DHTKD1: variants seen among roughly 807,000 people sequenced by gnomAD.
DHTKD1 encodes the protein dehydrogenase E1 and transketolase domain containing 1.
A neutral mutation model predicts 101.8 loss-of-function variants in DHTKD1; 78 were observed. The ratio of observed to expected loss-of-function variants is 0.77; its 90% confidence interval spans 0.64 to 0.93. The LOEUF is 0.93. Ranked by LOEUF, DHTKD1 falls within the 40% of genes least tolerant of loss-of-function variation. The pLI, the probability that DHTKD1 is intolerant of heterozygous loss-of-function variation, is 0.00. For synonymous variants in DHTKD1, 462 were observed against 450.3 expected, an observed-to-expected ratio of 1.03 and a Z score of -0.33; for missense variants, 1,223 against 1,161.7, an observed-to-expected ratio of 1.05 and a Z score of -0.77.
chr10:12,080,596 A>G (rs1344744056), intron 1 of DHTKD1, among the ~76,000 whole-genome samples: 2 of 151,792 alleles, frequency 1.3e-5, no homozygotes, highest in Non-Finnish European at 1.5e-5. Flanking sequence ...CTGTAGTCCC[A>G]GTTACTCGGG....
At chr10:12,089,588 C>T (rs376040432) in intron 5 of DHTKD1, among the ~76,000 whole-genome samples, 13 of 151,356 alleles carry the variant, frequency 8.6e-5, no homozygotes, top group East Asian at 5.8e-4. Context: ...GGTTCCCATA[C>T]ATATAACAAG....
At chr10:12,106,604 C>G (rs555516118) in intron 11 of DHTKD1, among the ~76,000 whole-genome samples, 22 of 152,180 alleles carry the variant, frequency 1.4e-4, no homozygotes, top group Admixed American at 3.3e-4. Flanking sequence ...AGCTCTCTCT[C>G]AGCAGGAGCA....
intron 15 of DHTKD1, among the ~76,000 whole-genome samples, chr10:12,119,544 A>G (rs974323369): frequency 1.4e-4 from 19 of 140,118 alleles, no homozygotes; most frequent in South Asian, 2.3e-4. Context: ...TGAACCCGGG[A>G]GGCGGAGCTT....
chr10:12,095,880 G>A (rs1833065133), intron 7 of DHTKD1, among the ~76,000 whole-genome samples: 3 of 151,096 alleles, frequency 2.0e-5, no homozygotes, highest in Non-Finnish European at 4.4e-5. Flanking sequence ...GTTGTGGCGC[G>A]TGCCTGTAGT....
At chr10:12,095,190 C>A (rs1282899298) in intron 7 of DHTKD1, among the ~76,000 whole-genome samples, 1 of 152,082 alleles carries the variant, frequency 6.6e-6, no homozygotes, top group Admixed American at 6.6e-5. Flanking sequence ...CCATGCTGTC[C>A]AAGATGGAAG....
At position 12,081,531 on chromosome 10, in the gene DHTKD1, A is replaced by T; in HGVS notation, c.214A>T (p.Lys72Ter). 6.2e-7 allele frequency: 1 copy of T among 1,614,130 alleles called. No individual in the cohort carries two copies. ...VYCEHGHKAA[K>*]INPLFTGQAL... The stretch of plus-strand genomic sequence containing the variant: ...TTGTGAGCATGGTCATAAAGCTGCC[A>T]AAATCAACCCCCTCTTCACCGGACA... The change falls in exon 2 of 17, where the codon AAA (lysine) becomes TAA (stop). Residue 72 changes from lysine to a stop codon, truncating the protein, a stop_gained. Coordinates refer to ENST00000263035, the MANE Select transcript of DHTKD1 (RefSeq NM_018706.7). LOFTEE classifies it high-confidence loss of function.
chr10:12,069,231 A>G (rs1320106505), intron 1 of DHTKD1, 44 bp downstream of exon 1: 1 of 1,424,200 alleles, frequency 7.0e-7, no homozygotes, highest in South Asian at 1.3e-5. Flanking sequence ...GCTGGGACGC[A>G]GAAGCCTCCC....
intron 13 of DHTKD1, among the ~76,000 whole-genome samples, chr10:12,116,560 T>C (rs1833421100): frequency 6.6e-6 from 1 of 151,788 alleles, no homozygotes; most frequent in African/African-American, 2.4e-5. Context: ...CCAGCTAACT[T>C]TTATAATTTT....
intron 2 of DHTKD1, among the ~76,000 whole-genome samples, chr10:12,082,060 A>C (rs1320572571): frequency 6.6e-6 from 1 of 151,840 alleles, no homozygotes; most frequent in Admixed American, 6.6e-5. Flanking sequence ...CTGGGAGGTC[A>C]AGGCTGCAGT....
intron 14 of DHTKD1, 147 bp downstream of exon 14, chr10:12,117,902 A>C: frequency 4.5e-6 from 1 of 223,404 alleles, no homozygotes; most frequent in Admixed American, 5.9e-5. Flanking sequence ...TTATTTATTT[A>C]TTTTTGAGAC....
chr10:12,097,866 AG>A lies in DHTKD1; in HGVS notation c.1542del (p.Gln514HisfsTer23). ...CAGGCCCACTGGCAGGGCCTGGCTC[AG>A]CCAGAAGCGCAAATCACCACCTGGA... ...NLQAHWQGLA[Q>X]PEAQITTWST... On this transcript the variant is annotated frameshift_variant, in exon 8 of 17. Coordinates refer to ENST00000263035, the MANE Select transcript of DHTKD1 (RefSeq NM_018706.7). LOFTEE classifies it high-confidence loss of function. 1.2e-6 allele frequency: 2 copies of A among 1,614,214 alleles called. No homozygotes were observed. The highest frequency in any genetic ancestry group is 1.7e-6 in the Non-Finnish European group (2 of 1,180,028).
chr10:12,084,078 A>G lies in DHTKD1; in HGVS notation c.311-462A>G, dbSNP rs568240232. Among the ~76,000 whole-genome samples the G allele has an allele frequency of 6.4e-4, 97 of 152,068 alleles. 1 individual carries two copies. The East Asian group carries it at 0.013, about 21-fold the overall frequency. On this transcript the variant is annotated intron_variant, in intron 2 of 16. Coordinates refer to ENST00000263035, the MANE Select transcript of DHTKD1 (RefSeq NM_018706.7). ...GCTGGGACTACAGGCGCACGCTACC[A>G]TGCCCGGCTAATTTTTGTAATTTTA...
Position 12,094,088 on chromosome 10 carries a change from G to T in DHTKD1, c.1175G>T (p.Cys392Phe). 6.2e-7 allele frequency: 1 copy of T among 1,614,008 alleles called. No homozygotes were observed. Among genetic ancestry groups the T allele is most frequent in the Non-Finnish European group, 8.5e-7 (1 of 1,179,956 alleles). ...YCSDIGKLVG[C>F]AIIHVNGDSP... Reference sequence around the variant, plus strand: ...TGTCCTTCAGGGAAGCTTGTGGGCTGTGCCATCATCCATGTCAATGGAGAC... The same window carrying T: ...TGTCCTTCAGGGAAGCTTGTGGGCTTTGCCATCATCCATGTCAATGGAGAC... The change falls in exon 7 of 17, where the codon TGT becomes TTT. Residue 392 changes from cysteine to phenylalanine, a missense_variant. Physicochemically the swap from Cys to Phe is radical, Grantham distance 205 (BLOSUM62 -2). Transcript: ENST00000263035.
chr10:12,090,508 G>T (rs1206064080), intron 5 of DHTKD1, among the ~76,000 whole-genome samples: 1 of 140,872 alleles, frequency 7.1e-6, no homozygotes, highest in Non-Finnish European at 1.5e-5. Context: ...TTCAAGATGG[G>T]TTCTCAATCT....
At chr10:12,084,912 A>G (rs1832875639) in intron 3 of DHTKD1, among the ~76,000 whole-genome samples, 161 bp downstream of exon 3, 1 of 152,076 alleles carries the variant, frequency 6.6e-6, no homozygotes, top group African/African-American at 2.4e-5. Context: ...TTAGCCAGGC[A>G]TGCTGGTGCA....
intron 1 of DHTKD1, among the ~76,000 whole-genome samples, chr10:12,076,286 G>A (rs1832729321): frequency 6.6e-6 from 1 of 152,228 alleles, no homozygotes; most frequent in South Asian, 2.1e-4. Context: ...GACTATCCTG[G>A]CTAACACGGT....
At position 12,114,652 on chromosome 10, in the gene DHTKD1, G is replaced by A. The variant is rs967770021; in HGVS notation, c.2319+1588G>A. On this transcript the variant is annotated intron_variant, in intron 13 of 16. Coordinates refer to ENST00000263035, the MANE Select transcript of DHTKD1 (RefSeq NM_018706.7). ...TATGACTGCTGAGGTGAAATAAGAC[G>A]TTTAGAATTTGGCCATTCAAGAATA... Among the ~76,000 whole-genome samples, 10 of 152,076 alleles carry A rather than the reference G, an allele frequency of 6.6e-5. No individual in the cohort carries two copies. The East Asian group carries it at 1.5e-3, about 23-fold the overall frequency.
intron 12 of DHTKD1, among the ~76,000 whole-genome samples, chr10:12,109,042 C>T (rs1470967657): frequency 6.6e-6 from 1 of 152,016 alleles, no homozygotes; most frequent in African/African-American, 2.4e-5. Flanking sequence ...ATCCAAGCTA[C>T]TCGGGAGCCT....
intron 7 of DHTKD1, among the ~76,000 whole-genome samples, chr10:12,094,589 G>A (rs1283164094): frequency 1.3e-5 from 2 of 151,838 alleles, no homozygotes; most frequent in Admixed American, 6.6e-5. Context: ...TGCCTGCCTC[G>A]CCCTCCCAAA....
Sources: gnomAD v4.1 joint callset for allele counts (sites outside exome capture counted in the v4.1 genomes callset) on GRCh38, gnomAD v4.1.1 for gene constraint, MANE v1.5 for transcripts, NCBI Gene and HGNC (gene_info 2026-07-23, HGNC 2026-07-21) for gene names.